Variants in NCK2 observed in about 807,000 individuals in gnomAD.
The protein encoded by NCK2 is cytoplasmic protein NCK2.
A neutral mutation model predicts 33.9 loss-of-function variants in NCK2; 16 were observed. The ratio of observed to expected loss-of-function variants is 0.47; its 90% CI spans 0.32 to 0.72. The LOEUF is 0.72. NCK2 is among the 30% of genes least tolerant of loss of function. The pLI is 0.03. For synonymous variants in NCK2, 273 were observed against 239.9 expected (o/e 1.14, Z -1.27); for missense variants, 418 against 537.3 (o/e 0.78, Z 2.19).
chr2:105,799,238 T>C (rs772580744), intron 1 of NCK2, among the ~76,000 whole-genome samples: 7 of 151,394 alleles, frequency 4.6e-5, no homozygotes, highest in Non-Finnish European at 1.0e-4. Context: ...TTCATCCCTC[T>C]TTTATGGTTT....
Position 105,781,769 on chromosome 2 carries a change from G to A in NCK2, c.-200-34661G>A, listed in dbSNP as rs578042582. The stretch of plus-strand genomic sequence containing the variant: ...TCTGTGACAGAGCTGTCGCCTCTCC[G>A]CAGTACGAAAATTTGTAGACATGTC... On this transcript the variant is annotated intron_variant, in intron 1 of 4. Coordinates refer to ENST00000233154, the MANE Select transcript of NCK2 (RefSeq NM_003581.5). 1.1e-4 allele frequency among the ~76,000 whole-genome samples: 16 copies of A among 152,292 alleles called. No homozygotes were observed. In the East Asian group the frequency reaches 2.7e-3, roughly 26 times the overall value.
chr2:105,860,276 A>G (rs1677465964), intron 3 of NCK2, among the ~76,000 whole-genome samples: 1 of 152,132 alleles, frequency 6.6e-6, no homozygotes, highest in African/African-American at 2.4e-5. Flanking sequence ...ACAGAGTGAG[A>G]CCCTGTCTCA....
chr2:105,843,395 G>GA (rs5833154), intron 2 of NCK2, among the ~76,000 whole-genome samples: 271 of 131,902 alleles, frequency 2.1e-3, no homozygotes, highest in Middle Eastern at 3.8e-3. Context: ...GGTCCCATAA[G>GA]AAAAAAAAAA....
chr2:105,780,725 T>C (rs1382880708), intron 1 of NCK2, among the ~76,000 whole-genome samples: 1 of 152,052 alleles, frequency 6.6e-6, no homozygotes, highest in East Asian at 1.9e-4. Flanking sequence ...GGGGAGCGCT[T>C]GCAAATGGGA....
chr2:105,875,863 G>A (rs534596992), intron 3 of NCK2, among the ~76,000 whole-genome samples: 16 of 152,308 alleles, frequency 1.1e-4, no homozygotes, highest in African/African-American at 2.2e-4. Flanking sequence ...CTTAAACACC[G>A]TAATTTTATG....
chr2:105,816,462 C>G lies in NCK2; in HGVS notation c.-168C>G, dbSNP rs949984099. ...GTGTTCTTTGTATACAAGCGACGTC[C>G]CAGATTATAATTCTCTGCTGAGATT... On this transcript the variant is annotated 5_prime_UTR_variant, in exon 2 of 5. Transcript: ENST00000233154. 5.3e-5 allele frequency: 8 copies of G among 152,078 alleles called. No individual in the cohort carries two copies. Among genetic ancestry groups the G allele is most frequent in the African/African-American group, 1.9e-4 (8 of 41,396 alleles). The allele number at this position is 152,078 out of a possible 1,614,324, so 9.4% of individuals were successfully genotyped here.
intron 3 of NCK2, among the ~76,000 whole-genome samples, chr2:105,866,005 A>C (rs1487089579): frequency 1.3e-5 from 2 of 152,038 alleles, no homozygotes; most frequent in Non-Finnish European, 2.9e-5. Flanking sequence ...ACCTCCGCCT[A>C]CCAGGTTCGA....
chr2:105,787,116 C>T (rs1430349396), intron 1 of NCK2, among the ~76,000 whole-genome samples: 4 of 152,268 alleles, frequency 2.6e-5, no homozygotes, highest in Non-Finnish European at 5.9e-5. Flanking sequence ...GCTGCTGTTA[C>T]TCCCACTGCC....
intron 2 of NCK2, among the ~76,000 whole-genome samples, chr2:105,831,548 A>C (rs1676189020): frequency 1.3e-5 from 2 of 151,920 alleles, no homozygotes; most frequent in African/African-American, 4.8e-5. Context: ...GTCTTTAATC[A>C]ATTTTGAGTA....
chr2:105,846,353 G>A (rs572151640), intron 2 of NCK2, among the ~76,000 whole-genome samples: 3 of 152,128 alleles, frequency 2.0e-5, no homozygotes, highest in African/African-American at 7.2e-5. Context: ...GAGTAAATGA[G>A]TTGCTCAATG....
chr2:105,876,564 A>G (rs747848519), intron 3 of NCK2, among the ~76,000 whole-genome samples: 1 of 152,196 alleles, frequency 6.6e-6, no homozygotes, highest in Non-Finnish European at 1.5e-5. Flanking sequence ...CTGGTTGGCT[A>G]TGGTTTCATT....
At chr2:105,830,670 G>GGTGTGTGTGTGTGTGT (rs56220635) in intron 2 of NCK2, among the ~76,000 whole-genome samples, 178 of 98,982 alleles carry the variant, frequency 1.8e-3, no homozygotes, top group South Asian at 4.7e-3. Flanking sequence ...CCAGGAATTT[G>GGTGTGTGTGTGTGTGT]GTGTGTGTGT....
At chr2:105,804,930 G>A (rs1188200964) in intron 1 of NCK2, among the ~76,000 whole-genome samples, 1 of 152,172 alleles carries the variant, frequency 6.6e-6, no homozygotes, top group Admixed American at 6.5e-5. Flanking sequence ...CTGCTGCAGG[G>A]TACTGGATAG....
intron 1 of NCK2, among the ~76,000 whole-genome samples, chr2:105,791,858 C>T (rs1031890776): frequency 6.6e-6 from 1 of 152,178 alleles, no homozygotes; most frequent in Non-Finnish European, 1.5e-5. Flanking sequence ...GAATAACTTA[C>T]CAAGATTTTA....
chr2:105,754,972 C>G (rs1015176679), intron 1 of NCK2, among the ~76,000 whole-genome samples: 2 of 151,952 alleles, frequency 1.3e-5, no homozygotes, highest in Non-Finnish European at 2.9e-5. Context: ...TGGTTCTCCC[C>G]TCACTTTTTT....
intron 3 of NCK2, among the ~76,000 whole-genome samples, chr2:105,872,017 A>G (rs1334657695): frequency 6.6e-6 from 1 of 152,194 alleles, no homozygotes; most frequent in Non-Finnish European, 1.5e-5. Context: ...GAATACATTT[A>G]CTGCTTTTTC....
chr2:105,865,364 A>G (rs1393474407), intron 3 of NCK2, among the ~76,000 whole-genome samples: 1 of 152,168 alleles, frequency 6.6e-6, no homozygotes, highest in Non-Finnish European at 1.5e-5. Context: ...CCAAGAACAC[A>G]CAGTACGTGC....
chr2:105,813,911 G>A (rs528432980), intron 1 of NCK2, among the ~76,000 whole-genome samples: 15 of 152,322 alleles, frequency 9.8e-5, no homozygotes, highest in African/African-American at 3.6e-4. Flanking sequence ...TCTAAAGGGA[G>A]ATGCACGTAG....
At chr2:105,864,890 G>T (rs1677687480) in intron 3 of NCK2, among the ~76,000 whole-genome samples, 1 of 149,922 alleles carries the variant, frequency 6.7e-6, no homozygotes, top group Non-Finnish European at 1.5e-5. Flanking sequence ...CCTGCAAATG[G>T]ATGACTTTAG....
Sources: gnomAD v4.1 joint callset for allele counts (sites outside exome capture counted in the v4.1 genomes callset) on GRCh38, gnomAD v4.1.1 for gene constraint, MANE v1.5 for transcripts, NCBI Gene and HGNC (gene_info 2026-07-23, HGNC 2026-07-21) for gene names.